MINDY2: variants seen among roughly 807,000 people sequenced by gnomAD.
MINDY2 encodes the protein MINDY lysine 48 deubiquitinase 2.
In MINDY2, 52 loss-of-function variants were observed where a neutral mutation model predicts 68.2. The observed-to-expected ratio is 0.76, with a 90% CI of 0.61 to 0.96. The LOEUF is 0.96. Ranked by LOEUF, MINDY2 falls within the 40% of genes least tolerant of loss-of-function variation. The pLI is 0.00. For synonymous variants in MINDY2, 372 were observed against 303.0 expected (o/e 1.23, Z -2.36); for missense variants, 881 against 773.4 (o/e 1.14, Z -1.65).
chr15:58,813,499 C>T (rs781046356), intron 4 of MINDY2, among the ~76,000 whole-genome samples: 2 of 152,188 alleles, frequency 1.3e-5, no homozygotes, highest in African/African-American at 4.8e-5. Context: ...CTATCTCAAA[C>T]TGCTGTAAAC....
At chr15:58,794,148 G>C (rs1028194375) in intron 2 of MINDY2, among the ~76,000 whole-genome samples, 1 of 152,008 alleles carries the variant, frequency 6.6e-6, no homozygotes, top group Admixed American at 6.6e-5. Flanking sequence ...AGGTATGAAG[G>C]TGTGTATAGA....
At chr15:58,852,335 G>C (rs1595787731) in intron 8 of MINDY2, among the ~76,000 whole-genome samples, 1 of 137,338 alleles carries the variant, frequency 7.3e-6, no homozygotes, top group East Asian at 2.3e-4. Flanking sequence ...AATTTCGCTT[G>C]AGATAAAAAA....
At chr15:58,775,507 C>T (rs1268691221) in intron 1 of MINDY2, among the ~76,000 whole-genome samples, 3 of 152,130 alleles carry the variant, frequency 2.0e-5, no homozygotes, top group African/African-American at 7.2e-5. Context: ...TGATATTAGG[C>T]TAGAAGTAAG....
At chr15:58,849,960 C>G (rs1291096028) in intron 7 of MINDY2, among the ~76,000 whole-genome samples, 1 of 152,196 alleles carries the variant, frequency 6.6e-6, no homozygotes, top group Non-Finnish European at 1.5e-5. Flanking sequence ...TGGTCTCGAA[C>G]TCCTGGGCTC....
chr15:58,844,821 A>T (rs1171030754), intron 6 of MINDY2, among the ~76,000 whole-genome samples: 1 of 147,140 alleles, frequency 6.8e-6, no homozygotes, highest in Non-Finnish European at 1.5e-5. Flanking sequence ...GGGCTGAGGC[A>T]GGACAGTCGC....
At chr15:58,793,099 A>T (rs796600813) in intron 2 of MINDY2, among the ~76,000 whole-genome samples, 5 of 152,272 alleles carry the variant, frequency 3.3e-5, no homozygotes, top group African/African-American at 1.2e-4. Flanking sequence ...ATGGGGTGAA[A>T]TGGGGGTTGA....
chr15:58,821,250 A>G (rs1178845786), intron 4 of MINDY2, among the ~76,000 whole-genome samples: 1 of 151,786 alleles, frequency 6.6e-6, no homozygotes, highest in Non-Finnish European at 1.5e-5. Context: ...AAGTAATAAA[A>G]TGGAATAATT....
At chr15:58,811,014 C>T (rs2030201495) in intron 4 of MINDY2, among the ~76,000 whole-genome samples, 1 of 152,178 alleles carries the variant, frequency 6.6e-6, no homozygotes, top group Non-Finnish European at 1.5e-5. Flanking sequence ...CCTACCCTTC[C>T]CTCCCTGGAA....
chr15:58,850,305 G>A (rs545103358), intron 7 of MINDY2, among the ~76,000 whole-genome samples: 1 of 152,284 alleles, frequency 6.6e-6, no homozygotes, highest in African/African-American at 2.4e-5. Context: ...TCTTTTAGAA[G>A]AATATTTAAT....
chr15:58,809,781 G>A (rs1287416196), intron 3 of MINDY2, among the ~76,000 whole-genome samples: 1 of 152,122 alleles, frequency 6.6e-6, no homozygotes, highest in Non-Finnish European at 1.5e-5. Flanking sequence ...ACTTTGTCTT[G>A]TTTTGTTTCG....
Position 58,802,295 on chromosome 15 carries a change from C to CTT in MINDY2, c.899-6_899-5dup, listed in dbSNP as rs201818932. The CTT allele has an allele frequency of 1.5e-3, 2,019 of 1,302,684 alleles. No homozygotes were observed. Among genetic ancestry groups the CTT allele is most frequent in the African/African-American group, 2.7e-3 (172 of 63,828 alleles). 80.7% of individuals were successfully genotyped at this position (1,302,684 alleles called of 1,614,324 possible). On this transcript the variant is annotated splice_polypyrimidine_tract_variant and intron_variant, in intron 2 of 8. Transcript: ENST00000559228. ...GTTTTTAAAAGGCAATTTTACAATT[C>CTT]TTTTTTTTTTTTTACAGGAGATTAC... is the stretch of plus-strand genomic sequence containing the variant.
At chr15:58,798,959 A>G (rs184911379) in intron 2 of MINDY2, among the ~76,000 whole-genome samples, 64 of 152,358 alleles carry the variant, frequency 4.2e-4, no homozygotes, top group African/African-American at 1.4e-3. Flanking sequence ...GAAGCAGAAC[A>G]TAGGACAGAT....
rs1900412684 is a variant in MINDY2 at position 58,771,701 on chromosome 15, G to A, written c.306G>A (p.Leu102=). Residue 102 remains leucine, a synonymous_variant, in exon 1 of 9, where the codon CTG becomes CTA. Transcript: ENST00000559228. The stretch of plus-strand genomic sequence containing the variant: ...GTCCTGCTGCCGCCGAGGCGCCTCT[G>A]AGAGGGCAGTACAAGGTGACCGCCT... ...LESPAAAEAP[L]RGQYKVTASP... 4 of 1,612,304 alleles carry A rather than the reference G, an allele frequency of 2.5e-6. No individual in the cohort carries two copies. Among genetic ancestry groups the A allele is most frequent in the South Asian group, 2.2e-5 (2 of 91,066 alleles).
intron 5 of MINDY2, among the ~76,000 whole-genome samples, chr15:58,829,773 TC>T (rs2031613775): frequency 6.6e-6 from 1 of 152,232 alleles, no homozygotes; most frequent in African/African-American, 2.4e-5. Context: ...TTTTTGTACT[TC>T]TATCATAACA....
intron 6 of MINDY2, among the ~76,000 whole-genome samples, chr15:58,836,834 G>C (rs2032020108): frequency 6.6e-6 from 1 of 151,774 alleles, no homozygotes; most frequent in South Asian, 2.1e-4. Flanking sequence ...TGCCCAAATT[G>C]GTCTTGAGCT....
intron 8 of MINDY2, among the ~76,000 whole-genome samples, chr15:58,853,076 C>T (rs563242717): frequency 1.3e-5 from 2 of 151,442 alleles, no homozygotes; most frequent in South Asian, 4.2e-4. Flanking sequence ...CCTCAGCCTC[C>T]CAAGTAGCTG....
At chr15:58,789,294 C>T (rs566318635) in intron 2 of MINDY2, among the ~76,000 whole-genome samples, 3 of 151,180 alleles carry the variant, frequency 2.0e-5, no homozygotes, top group South Asian at 2.1e-4. Flanking sequence ...GCCGAGATTG[C>T]ACCACTGCAC....
rs1902542907 is a variant in MINDY2 at position 58,800,133 on chromosome 15, C to A, written c.899-2180C>A. Among the ~76,000 whole-genome samples, 7 of 152,310 alleles carry A rather than the reference C, an allele frequency of 4.6e-5. No individual in the cohort carries two copies. The South Asian group carries it at 1.5e-3, about 32-fold the overall frequency. ...TTTCCAAATGTTCACCTGGTATAAG[C>A]TAACTTATGCCAAGCCCTCTCTTCC... On this transcript the variant is annotated intron_variant, in intron 2 of 8. Coordinates refer to ENST00000559228, the MANE Select transcript of MINDY2 (RefSeq NM_001040450.3).
chr15:58,810,061 A>G (rs933569220), intron 3 of MINDY2, among the ~76,000 whole-genome samples, 169 bp from the exon 4 acceptor site: 3 of 152,212 alleles, frequency 2.0e-5, no homozygotes, highest in Non-Finnish European at 4.4e-5. Flanking sequence ...GTATCTTTCA[A>G]ACTCCAACTA....
Sources: gnomAD v4.1 joint callset for allele counts (sites outside exome capture counted in the v4.1 genomes callset) on GRCh38, gnomAD v4.1.1 for gene constraint, MANE v1.5 for transcripts, NCBI Gene and HGNC (gene_info 2026-07-23, HGNC 2026-07-21) for gene names.